Variants in NACC1 observed in about 807,000 individuals in gnomAD.
NACC1 encodes the protein nucleus accumbens-associated protein 1.
In NACC1, 6 loss-of-function variants were observed where a neutral mutation model predicts 41.7. That is an observed-to-expected ratio of 0.14 (90% CI 0.08 to 0.28). NACC1 has a LOEUF of 0.28. Ranked by LOEUF, NACC1 falls within the 10% of genes least tolerant of loss-of-function variation. NACC1 has a pLI of 1.00. For missense variants in NACC1, 434 were observed against 763.7 expected (o/e 0.57, Z 5.09); for synonymous variants, 338 against 330.6 (o/e 1.02, Z -0.24).
chr19:13,126,130 G>C (rs918977198), intron 1 of NACC1, among the ~76,000 whole-genome samples: 1 of 149,504 alleles, frequency 6.7e-6, no homozygotes, highest in Non-Finnish European at 1.5e-5. Context: ...CGCAACCTTC[G>C]CCTCCTGAGT....
At chr19:13,123,224 G>T (rs34143175) in intron 1 of NACC1, among the ~76,000 whole-genome samples, 18,571 of 152,140 alleles carry the variant, frequency 0.12, 1,643 homozygotes, top group Non-Finnish European at 0.17. Flanking sequence ...TCCACCCTTG[G>T]TTGCCGCCAC....
chr19:13,119,066 C>T lies in NACC1; in HGVS notation c.-9+612C>T, dbSNP rs1240962631. 3.5e-5 allele frequency among the ~76,000 whole-genome samples: 3 copies of T among 86,310 alleles called. No homozygotes were observed. The Admixed American group carries it at 4.7e-4, about 13-fold the overall frequency. The allele number at this position is 86,310 out of a possible 152,430, so 56.6% of individuals were successfully genotyped here. A position where few individuals can be genotyped will look rare whatever the true frequency, so the allele number is the denominator to read the frequency against. On this transcript the variant is annotated intron_variant, in intron 1 of 5. Transcript: ENST00000292431. ...CCGGGGGTCACATGAGGTCAGGACT[C>T]AGATGTGGGGAGGGGGAGGCTAGAT...
At chr19:13,129,702 G>C (rs28587443) in intron 1 of NACC1, among the ~76,000 whole-genome samples, 5,053 of 152,256 alleles carry the variant, frequency 0.033, 246 homozygotes, top group African/African-American at 0.11. Context: ...AAAGCCCTGG[G>C]TGCTGTGGTG....
At chr19:13,134,335 C>T (rs2019671633) in intron 1 of NACC1, among the ~76,000 whole-genome samples, 1 of 152,024 alleles carries the variant, frequency 6.6e-6, no homozygotes, top group Non-Finnish European at 1.5e-5. Context: ...GCTGGGATTA[C>T]AGGCATGAGC....
intron 1 of NACC1, among the ~76,000 whole-genome samples, chr19:13,125,383 C>G (rs1355057290): frequency 6.6e-6 from 1 of 151,020 alleles, no homozygotes; most frequent in Admixed American, 6.6e-5. Context: ...ACAGAGCCCT[C>G]CTGACTGAAT....
At chr19:13,128,104 T>C (rs2019588345) in intron 1 of NACC1, among the ~76,000 whole-genome samples, 1 of 152,096 alleles carries the variant, frequency 6.6e-6, no homozygotes, top group Non-Finnish European at 1.5e-5. Flanking sequence ...TCACAGGTTT[T>C]GGGAAGGACT....
In NACC1 at chr19:13,137,936, G is replaced by A. The variant is rs773123373; in HGVS notation, c.1325-211G>A. On this transcript the variant is annotated intron_variant, in intron 5 of 5. Transcript: ENST00000292431. The surrounding 1 kb of genome is among the most constrained non-coding windows in gnomAD (Gnocchi z 6.1). The stretch of plus-strand genomic sequence containing the variant: ...AATGATCCGAATTTTTCAAGAACAC[G>A]GGGCCATCCCATCAAAACCAACACA... 2.0e-5 allele frequency among the ~76,000 whole-genome samples: 3 copies of A among 152,180 alleles called. No homozygotes were observed. Among genetic ancestry groups the A allele is most frequent in the Non-Finnish European group, 4.4e-5 (3 of 68,020 alleles).
chr19:13,130,889 T>A (rs1362152101), intron 1 of NACC1, among the ~76,000 whole-genome samples: 2 of 152,164 alleles, frequency 1.3e-5, no homozygotes, highest in African/African-American at 2.4e-5. Flanking sequence ...CTTTCAAAGA[T>A]GTCCACACTC....
chr19:13,137,642 T>G lies in NACC1; in HGVS notation c.1324+67T>G. 2 of 1,375,576 alleles carry G rather than the reference T, an allele frequency of 1.5e-6. No homozygotes were observed. The highest frequency in any genetic ancestry group is 2.5e-5 in the South Asian group (2 of 78,626). The allele number at this position is 1,375,576 out of a possible 1,614,324, so 85.2% of individuals were successfully genotyped here. ...CGCAGGTTGACGTTTTTTCCCAGCCTTGGCTCTCAGAGAGGGCTAGAGTTC... is the reference window on the plus strand; with the variant it reads ...CGCAGGTTGACGTTTTTTCCCAGCCGTGGCTCTCAGAGAGGGCTAGAGTTC... On this transcript the variant is annotated intron_variant, in intron 5 of 5. Coordinates refer to ENST00000292431, the MANE Select transcript of NACC1 (RefSeq NM_052876.4). The surrounding 1 kb of genome is among the most constrained non-coding windows in gnomAD (Gnocchi z 6.1).
At chr19:13,120,324 A>C (rs2019472770) in intron 1 of NACC1, among the ~76,000 whole-genome samples, 1 of 152,064 alleles carries the variant, frequency 6.6e-6, no homozygotes, top group African/African-American at 2.4e-5. Context: ...TTTTTGCCCC[A>C]CTTTGGCCCC....
chr19:13,123,308 G>A (rs7256436), intron 1 of NACC1, among the ~76,000 whole-genome samples: 5,252 of 152,284 alleles, frequency 0.034, 265 homozygotes, highest in African/African-American at 0.12. Flanking sequence ...TGGGCTTATG[G>A]TTGGAGTTGG....
chr19:13,138,202 G>A lies in NACC1; in HGVS notation c.1380G>A (p.Ala460=), dbSNP rs144474150. The A allele has an allele frequency of 8.2e-5, 132 of 1,614,038 alleles. No homozygotes were observed. Among genetic ancestry groups the A allele is most frequent in the South Asian group, 4.0e-4 (36 of 91,092 alleles). Residue 460 remains alanine (A), a synonymous_variant, in exon 6 of 6, where the codon GCG becomes GCA. Transcript: ENST00000292431. This position sits in a 1 kb window ranked among gnomAD's most constrained non-coding sequence, Gnocchi z 5.7. Reference sequence around the variant, plus strand: ...AGGAGAGCGAGATGAATGCCATCGCGGCCGACATGTGCACCAACGCCCGCC... The same window carrying A: ...AGGAGAGCGAGATGAATGCCATCGCAGCCGACATGTGCACCAACGCCCGCC... The part of the protein sequence containing the change: ...NFKESEMNAI[A]ADMCTNARRV...
At position 13,140,945 on chromosome 19, in the gene NACC1, C is replaced by CT. The variant is rs1276295483; in HGVS notation, c.*2542dup. The CT allele has an allele frequency of 6.6e-6, 1 of 152,586 alleles. No homozygotes were observed. Among genetic ancestry groups the CT allele is most frequent in the Non-Finnish European group, 1.5e-5 (1 of 68,056 alleles). The allele number at this position is 152,586 out of a possible 1,614,324, so 9.5% of individuals were successfully genotyped here. ...CTGGCCGCCCACTCAACCCACACCT[C>CT]TTTCACGCAGGACAGGCTGCCCACC... On this transcript the variant is annotated 3_prime_UTR_variant, in exon 6 of 6. Transcript: ENST00000292431. This position sits in a 1 kb window ranked among gnomAD's most constrained non-coding sequence, Gnocchi z 4.0.
rs1219435356 is a variant in NACC1 at position 13,138,785 on chromosome 19, G to A, written c.*379G>A. 1.2e-5 allele frequency: 3 copies of A among 247,186 alleles called. No individual in the cohort carries two copies. The highest frequency in any genetic ancestry group is 2.4e-5 in the Non-Finnish European group (3 of 124,458). 15.3% of individuals were successfully genotyped at this position (247,186 alleles called of 1,614,324 possible). A position where few individuals can be genotyped will look rare whatever the true frequency, so the allele number is the denominator to read the frequency against. On this transcript the variant is annotated 3_prime_UTR_variant, in exon 6 of 6. Transcript: ENST00000292431. The surrounding 1 kb of genome is among the most constrained non-coding windows in gnomAD (Gnocchi z 5.7). ...CACCTCGCGGAAGCCTTCAGCCTCCGCCCCTCACTGCAGCCCCTTGGGACT... is the reference window on the plus strand; with the variant it reads ...CACCTCGCGGAAGCCTTCAGCCTCCACCCCTCACTGCAGCCCCTTGGGACT...
At position 13,136,438 on chromosome 19, in the gene NACC1, C is replaced by T. The variant is rs756742048; in HGVS notation, c.1120+33C>T. The T allele has an allele frequency of 1.0e-5, 16 of 1,583,796 alleles. No individual in the cohort carries two copies. The highest frequency in any genetic ancestry group is 3.5e-5 in the Admixed American group (2 of 56,878). ...GGTCTCGCCCCAGATCTCTCCCCTC[C>T]GCAGCTTTGGAGCCGGCTGGCCTGG... On this transcript the variant is annotated intron_variant, in intron 3 of 5. Coordinates refer to ENST00000292431, the MANE Select transcript of NACC1 (RefSeq NM_052876.4). This position sits in a 1 kb window ranked among gnomAD's most constrained non-coding sequence, Gnocchi z 5.5.
At chr19:13,119,656 G>A (rs2019463976) in intron 1 of NACC1, among the ~76,000 whole-genome samples, 2 of 152,312 alleles carry the variant, frequency 1.3e-5, no homozygotes, top group Non-Finnish European at 2.9e-5. Flanking sequence ...TGGGGGTGAA[G>A]AATTAGAGGG....
chr19:13,122,717 A>G (rs542176779), intron 1 of NACC1, among the ~76,000 whole-genome samples: 32 of 152,230 alleles, frequency 2.1e-4, no homozygotes, highest in African/African-American at 7.7e-4. Flanking sequence ...GTGAGTGGAC[A>G]GTGCTGTGAA....
intron 1 of NACC1, among the ~76,000 whole-genome samples, chr19:13,122,454 G>A (rs997662232): frequency 6.7e-6 from 1 of 148,822 alleles, no homozygotes; most frequent in South Asian, 2.1e-4. Context: ...GCTGTGATTC[G>A]CAACTGGGTA....
intron 1 of NACC1, among the ~76,000 whole-genome samples, chr19:13,130,043 G>A (rs2019613941): frequency 6.6e-6 from 1 of 152,042 alleles, no homozygotes. Flanking sequence ...TGGTTTTGGT[G>A]GGGTAGTGGG....
Sources: allele counts gnomAD v4.1 joint callset (sites outside exome capture counted in the v4.1 genomes callset), GRCh38; gene constraint gnomAD v4.1.1; non-coding constraint Gnocchi (gnomAD v3.1); transcripts MANE v1.5; gene names NCBI Gene and HGNC (gene_info 2026-07-23, HGNC 2026-07-21).